CPS1: variants seen among roughly 807,000 people sequenced by gnomAD.
CPS1 encodes the protein carbamoyl-phosphate synthase [ammonia], mitochondrial.
Under a neutral mutation model 174.6 loss-of-function variants are expected in CPS1, and 109 were observed. The observed-to-expected ratio is 0.62, with a 90% CI of 0.53 to 0.73. The LOEUF is 0.73. Among genes scored for constraint, CPS1 ranks in the 30% least tolerant of loss-of-function variants. CPS1 has a pLI of 0.00. For synonymous variants in CPS1, 637 were observed against 632.0 expected (o/e 1.01, Z -0.12); for missense variants, 1,689 against 1,821.9 (o/e 0.93, Z 1.33).
chr2:210,586,457 G>T (rs183558795), intron 6 of CPS1, among the ~76,000 whole-genome samples: 2 of 151,966 alleles, frequency 1.3e-5, no homozygotes, highest in East Asian at 3.9e-4. Context: ...TAGAATGTTA[G>T]AATTGAGAAC....
At chr2:210,673,477 C>G (rs889219730) in intron 34 of CPS1, 1 of 152,178 alleles carries the variant, frequency 6.6e-6, no homozygotes, top group East Asian at 1.9e-4. Context: ...AGGAAAGACA[C>G]AGCAATGGAC....
intron 4 of CPS1, among the ~76,000 whole-genome samples, chr2:210,578,642 A>G (rs1697793045): frequency 6.6e-6 from 1 of 152,126 alleles, no homozygotes; most frequent in African/African-American, 2.4e-5. Flanking sequence ...AAAATAAAAA[A>G]AATCTTGATC....
chr2:210,554,152 T>TAC (rs536991195), upstream of CPS1, among the ~76,000 whole-genome samples: 2 of 138,150 alleles, frequency 1.4e-5, no homozygotes, highest in African/African-American at 5.2e-5. Context: ...TATGTATATA[T>TAC]ACACACACAT....
chr2:210,659,039 C>G (rs551598164), intron 31 of CPS1, among the ~76,000 whole-genome samples: 7 of 152,252 alleles, frequency 4.6e-5, no homozygotes, highest in African/African-American at 1.4e-4. Flanking sequence ...TGAAATTCTG[C>G]TTTACTCCTT....
intron 34 of CPS1, chr2:210,672,354 T>A (rs1701338356): frequency 6.6e-6 from 1 of 152,194 alleles, no homozygotes; most frequent in South Asian, 2.1e-4. Flanking sequence ...TTGGAGATCA[T>A]TATGCTGAGC....
Position 210,647,940 on chromosome 2 carries a change from C to G in CPS1, c.3219C>G (p.Val1073=), listed in dbSNP as rs374964409. 33 of 1,613,922 alleles carry G rather than the reference C, an allele frequency of 2.0e-5. No homozygotes were observed. Among genetic ancestry groups the G allele is most frequent in the African/African-American group, 2.7e-5 (2 of 74,910 alleles). ...NLAVPLYKNG[V]KIMGTSPLQI... is the part of the protein sequence containing the mutation. Reference sequence around the variant, plus strand: ...CAGTTCCTCTATACAAGAATGGTGTCAAGATCATGGGCACAAGCCCCCTGC... The same window carrying G: ...CAGTTCCTCTATACAAGAATGGTGTGAAGATCATGGGCACAAGCCCCCTGC... The change falls in exon 26 of 38, where the codon GTC becomes GTG. Residue 1073 remains valine (V), a synonymous_variant. Transcript: ENST00000233072.
chr2:210,657,187 A>G (rs1700738470), intron 30 of CPS1, among the ~76,000 whole-genome samples: 1 of 152,120 alleles, frequency 6.6e-6, no homozygotes, highest in African/African-American at 2.4e-5. Context: ...TTCACCTCCA[A>G]ACAGCACTTT....
intron 37 of CPS1, among the ~76,000 whole-genome samples, chr2:210,677,581 A>G (rs1701574503): frequency 6.6e-6 from 1 of 152,252 alleles, no homozygotes; most frequent in African/African-American, 2.4e-5. Context: ...AATTTATCAC[A>G]GGGAGAAACA....
intron 5 of CPS1, among the ~76,000 whole-genome samples, chr2:210,580,381 C>T (rs1263599534): frequency 6.6e-6 from 1 of 151,860 alleles, no homozygotes; most frequent in African/African-American, 2.4e-5. Context: ...ACATCTGACC[C>T]CTCCTCTGAG....
intron 2 of CPS1, among the ~76,000 whole-genome samples, chr2:210,574,769 ATATT>A (rs2106075969): frequency 6.6e-6 from 1 of 152,230 alleles, no homozygotes; most frequent in East Asian, 1.9e-4. Flanking sequence ...AAAACAAAGT[ATATT>A]TATTCATTTA....
chr2:210,634,909 T>C (rs781128113), intron 21 of CPS1, among the ~76,000 whole-genome samples: 4 of 152,182 alleles, frequency 2.6e-5, no homozygotes, highest in Non-Finnish European at 5.9e-5. Context: ...CCATTGCCTA[T>C]TGTACACCTG....
At chr2:210,615,893 T>C (rs761388755) in intron 20 of CPS1, among the ~76,000 whole-genome samples, 33 of 152,150 alleles carry the variant, frequency 2.2e-4, no homozygotes, top group Middle Eastern at 3.4e-3. Context: ...TGTGAGGAAA[T>C]ATTCTGGAGG....
chr2:210,642,321 G>A (rs1030958812), intron 24 of CPS1, among the ~76,000 whole-genome samples, 163 bp from the exon 25 acceptor site: 2 of 152,130 alleles, frequency 1.3e-5, no homozygotes, highest in African/African-American at 4.8e-5. Flanking sequence ...TACTAATACA[G>A]TATGCATCAT....
intron 1 of CPS1, among the ~76,000 whole-genome samples, chr2:210,487,587 A>G (rs900732864): frequency 6.6e-6 from 1 of 152,172 alleles, no homozygotes; most frequent in Non-Finnish European, 1.5e-5. Flanking sequence ...TGGAAATTAC[A>G]CAGATCTTCC....
At chr2:210,573,847 A>T (rs1251985856) in intron 2 of CPS1, among the ~76,000 whole-genome samples, 1 of 152,096 alleles carries the variant, frequency 6.6e-6, no homozygotes, top group East Asian at 1.9e-4. Flanking sequence ...GAAGATTAGA[A>T]AGTCCTTGGG....
chr2:210,583,569 G>A (rs1054874672), intron 6 of CPS1, among the ~76,000 whole-genome samples: 9 of 152,082 alleles, frequency 5.9e-5, no homozygotes, highest in Non-Finnish European at 1.2e-4. Flanking sequence ...TGAAGAACCA[G>A]GAGAACTTTG....
intron 4 of CPS1, among the ~76,000 whole-genome samples, chr2:210,578,649 G>A (rs1174642490): frequency 6.6e-6 from 1 of 152,058 alleles, no homozygotes; most frequent in African/African-American, 2.4e-5. Flanking sequence ...AAAAAATCTT[G>A]ATCCTGGCTC....
chr2:210,674,686 G>A, intron 34 of CPS1: 2 of 586,804 alleles, frequency 3.4e-6, no homozygotes, highest in South Asian at 4.0e-5. Flanking sequence ...GAAAAGCAGG[G>A]ATCAAGATTA....
At chr2:210,579,412 A>T (rs1255652622) in intron 4 of CPS1, among the ~76,000 whole-genome samples, 1 of 152,186 alleles carries the variant, frequency 6.6e-6, no homozygotes. Context: ...AAGTTCACCA[A>T]TGTGATTTAA....
Sources: gnomAD v4.1 joint callset for allele counts (sites outside exome capture counted in the v4.1 genomes callset) on GRCh38, gnomAD v4.1.1 for gene constraint, MANE v1.5 for transcripts, NCBI Gene and HGNC (gene_info 2026-07-23, HGNC 2026-07-21) for gene names.